Variants in ZNF469 observed in about 807,000 individuals in gnomAD.
ZNF469 encodes zinc finger protein 469.
ZNF469 carries 1 observed loss-of-function variant against 1.0 expected under a neutral mutation model. The ratio of observed to expected loss-of-function variants is 1.00; its 90% CI spans 0.35 to 4.73. ZNF469 has a LOEUF of 4.73. Ranked by LOEUF, ZNF469 falls within the 30% of genes most tolerant of loss-of-function variation. The pLI is 0.16. For missense variants in ZNF469, 6,100 were observed against 5,356.3 expected (o/e 1.14, Z -4.33); for synonymous variants, 2,703 against 2,363.4 (o/e 1.14, Z -4.17).
chr16:88,249,645 C>T, the ZNF469 span, among the ~76,000 whole-genome samples: 727 of 152,058 alleles, frequency 4.8e-3, 11 homozygotes, highest in African/African-American at 0.017. Context: ...ACCGTGTTAG[C>T]CAGGATGGTC....
chr16:88,361,334 G>C, the ZNF469 span, among the ~76,000 whole-genome samples: 3 of 152,152 alleles, frequency 2.0e-5, no homozygotes, highest in Admixed American at 1.3e-4. Flanking sequence ...TAATAGGCTT[G>C]GGGGTTGGGG....
chr16:88,301,492 C>G, the ZNF469 span, among the ~76,000 whole-genome samples: 3 of 152,180 alleles, frequency 2.0e-5, no homozygotes, highest in South Asian at 4.1e-4. Flanking sequence ...GGAAGAGAAC[C>G]CTCTCTTGTA....
At chr16:88,182,716 C>G in the ZNF469 span, among the ~76,000 whole-genome samples, 1 of 151,502 alleles carries the variant, frequency 6.6e-6, no homozygotes, top group East Asian at 1.9e-4. Context: ...TGAATCTCAA[C>G]TTATACCTTA....
chr16:88,214,577 C>A, the ZNF469 span, among the ~76,000 whole-genome samples: 1 of 151,922 alleles, frequency 6.6e-6, no homozygotes, highest in Non-Finnish European at 1.5e-5. Context: ...CATAGGTATA[C>A]ACGTGCCATG....
the ZNF469 span, among the ~76,000 whole-genome samples, chr16:88,139,168 T>C: frequency 2.0e-5 from 2 of 100,072 alleles, no homozygotes; most frequent in East Asian, 2.1e-4. Flanking sequence ...CAGAGACTGC[T>C]CTGCATCCCA....
chr16:88,227,853 G>C, the ZNF469 span, among the ~76,000 whole-genome samples: 1 of 152,142 alleles, frequency 6.6e-6, no homozygotes, highest in Non-Finnish European at 1.5e-5. Flanking sequence ...CGTCCTCGGC[G>C]TTCCCCGGCA....
At chr16:88,316,659 G>T in the ZNF469 span, among the ~76,000 whole-genome samples, 9 of 147,110 alleles carry the variant, frequency 6.1e-5, no homozygotes, top group South Asian at 1.7e-3. Flanking sequence ...CGATTCTCCT[G>T]CCTCAGCCTC....
chr16:88,162,631 C>T, the ZNF469 span, among the ~76,000 whole-genome samples: 2 of 151,906 alleles, frequency 1.3e-5, no homozygotes, highest in African/African-American at 4.8e-5. Context: ...AATAAATAGG[C>T]ATTTCAAAAA....
At chr16:88,365,588 T>G in the ZNF469 span, among the ~76,000 whole-genome samples, 1 of 152,240 alleles carries the variant, frequency 6.6e-6, no homozygotes, top group Non-Finnish European at 1.5e-5. Context: ...CGGCTGTGCC[T>G]GGGCTTTCCA....
the ZNF469 span, among the ~76,000 whole-genome samples, chr16:88,322,017 G>T: frequency 5.0e-4 from 76 of 152,360 alleles, no homozygotes; most frequent in African/African-American, 1.8e-3. Flanking sequence ...TCTGTGGGAT[G>T]AGAGGGCCCT....
At chr16:88,200,069 T>C in the ZNF469 span, among the ~76,000 whole-genome samples, 3 of 152,066 alleles carry the variant, frequency 2.0e-5, no homozygotes, top group African/African-American at 7.2e-5. Context: ...AGGCGAGGGC[T>C]GGGGGTCGTG....
chr16:88,235,138 A>G, the ZNF469 span, among the ~76,000 whole-genome samples: 5 of 152,240 alleles, frequency 3.3e-5, no homozygotes, highest in African/African-American at 1.2e-4. Context: ...ACTGGTTGAC[A>G]AGGGATCCCG....
the ZNF469 span, among the ~76,000 whole-genome samples, chr16:88,311,626 C>T: frequency 5.3e-5 from 8 of 152,130 alleles, no homozygotes; most frequent in Non-Finnish European, 1.2e-4. Flanking sequence ...GTGCTGGGCT[C>T]CAACTGAGGG....
intron 1 of ZNF469, among the ~76,000 whole-genome samples, chr16:88,397,101 G>A (rs998224445): frequency 2.6e-5 from 4 of 152,194 alleles, no homozygotes; most frequent in African/African-American, 9.6e-5. Context: ...CTGCTGCAGG[G>A]AGGCCAGGCA....
chr16:88,289,334 G>A, the ZNF469 span, among the ~76,000 whole-genome samples: 1 of 149,366 alleles, frequency 6.7e-6, no homozygotes, highest in East Asian at 2.0e-4. Flanking sequence ...ATGATGATGA[G>A]GGTGTTGATG....
upstream of ZNF469, among the ~76,000 whole-genome samples, chr16:88,382,898 T>TG (rs1271026044): frequency 1.7e-5 from 1 of 59,852 alleles, no homozygotes; most frequent in East Asian, 5.4e-4. Context: ...TAAAAATAGC[T>TG]GGGGGGAGGG....
At chr16:88,272,135 T>G in the ZNF469 span, among the ~76,000 whole-genome samples, 1 of 148,982 alleles carries the variant, frequency 6.7e-6, no homozygotes, top group East Asian at 2.0e-4. Flanking sequence ...GGTAAATGGG[T>G]AGGTGGATGG....
the ZNF469 span, among the ~76,000 whole-genome samples, chr16:88,321,785 T>C: frequency 1.3e-5 from 2 of 152,204 alleles, no homozygotes; most frequent in African/African-American, 4.8e-5. Context: ...CCTCGGATTC[T>C]GTTGGTAAGG....
intron 2 of ZNF469, among the ~76,000 whole-genome samples, chr16:88,427,133 C>T (rs1905740230): frequency 6.6e-6 from 1 of 152,144 alleles, no homozygotes; most frequent in African/African-American, 2.4e-5. Flanking sequence ...GGAAGGGTCC[C>T]TGTTCCATCT....
Sources: gnomAD v4.1 joint callset for allele counts (sites outside exome capture counted in the v4.1 genomes callset) on GRCh38, gnomAD v4.1.1 for gene constraint, MANE v1.5 for transcripts, NCBI Gene and HGNC (gene_info 2026-07-23, HGNC 2026-07-21) for gene names.